Variants in ASMTL observed in about 807,000 individuals in gnomAD.
The protein encoded by ASMTL is acetylserotonin O-methyltransferase like.
A neutral mutation model predicts 60.3 loss-of-function variants in ASMTL; 57 were observed. The observed-to-expected ratio is 0.95, with a 90% confidence interval of 0.76 to 1.18. The LOEUF is 1.18. Among genes scored for constraint, ASMTL ranks in the 50% most tolerant of loss-of-function variants. ASMTL has a pLI of 0.00. For missense variants in ASMTL, 981 were observed against 852.6 expected, an observed-to-expected ratio of 1.15 and a Z score of -1.88; for synonymous variants, 419 against 373.0, an observed-to-expected ratio of 1.12 and a Z score of -1.42.
At chrX:1,429,383 A>T (rs1466298349) in intron 6 of ASMTL, among the ~76,000 whole-genome samples, 3 of 151,968 alleles carry the variant, frequency 2.0e-5, no homozygotes, top group Non-Finnish European at 2.9e-5. Context: ...TTTTTTATAA[A>T]GATGGGGTTT....
intron 4 of ASMTL, chrX:1,435,349 G>T: frequency 3.3e-6 from 2 of 609,354 alleles, no homozygotes; most frequent in Admixed American, 2.9e-5. Flanking sequence ...CGGGCAGGGG[G>T]TGCATCTCTT....
intron 12 of ASMTL, among the ~76,000 whole-genome samples, chrX:1,406,657 ATAG>A (rs2089860282): frequency 1.3e-5 from 2 of 151,658 alleles, no homozygotes; most frequent in Admixed American, 6.6e-5. Flanking sequence ...GGGTGAATAG[ATAG>A]TAGATGATGG....
Position 1,407,066 on chromosome X carries a change from A to G in ASMTL, c.1646-3577T>C, listed in dbSNP as rs768714733. The stretch of plus-strand genomic sequence containing the variant: ...GGTAGATGGATGGATGGATGGATGC[A>G]TGCATGGATGAGATGGATGGGTGAA... On this transcript the variant is annotated intron_variant, in intron 12 of 12. Coordinates refer to ENST00000381317, the MANE Select transcript of ASMTL (RefSeq NM_004192.4). Among the ~76,000 whole-genome samples, 299 of 149,746 alleles carry G rather than the reference A, an allele frequency of 2.0e-3. 2 individuals are homozygous for G. Among genetic ancestry groups the G allele is most frequent in the Middle Eastern group, 6.9e-3 (2 of 290 alleles).
chrX:1,436,288 C>T (rs2090961726), intron 3 of ASMTL, among the ~76,000 whole-genome samples: 1 of 152,042 alleles, frequency 6.6e-6, no homozygotes, highest in Admixed American at 6.5e-5. Context: ...ATTCTCCTGC[C>T]TCAGCCTCCC....
intron 3 of ASMTL, among the ~76,000 whole-genome samples, chrX:1,436,259 C>T (rs1294291227): frequency 6.6e-6 from 1 of 152,214 alleles, no homozygotes; most frequent in African/African-American, 2.4e-5. Flanking sequence ...CTGCAACCTC[C>T]GCCTCCGGGG....
Position 1,427,787 on chromosome X carries a change from G to T in ASMTL, c.844C>A (p.Pro282Thr). ...AECHRTRETL[P>T]PFPTRLLELI... is the part of the protein sequence containing the mutation. ...TCCAGGAGGCGTGTCGGGAACGGAG[G>T]CAGGGTCTCCCGAGTCCTGTGACAC... The change falls in exon 7 of 13, where the codon CCT (proline) becomes ACT (threonine). Residue 282 changes from proline to threonine, a missense_variant. Coordinates refer to ENST00000381317, the MANE Select transcript of ASMTL (RefSeq NM_004192.4). 6.2e-7 allele frequency: 1 copy of T among 1,612,992 alleles called. No individual in the cohort carries two copies.
intron 12 of ASMTL, among the ~76,000 whole-genome samples, chrX:1,406,138 G>A (rs757863430): frequency 3.6e-4 from 54 of 150,416 alleles, no homozygotes; most frequent in African/African-American, 1.3e-3. Context: ...ATAGATGGAT[G>A]CATGGATGAG....
intron 3 of ASMTL, among the ~76,000 whole-genome samples, chrX:1,438,535 C>T (rs1378872141): frequency 4.6e-5 from 7 of 152,070 alleles, no homozygotes; most frequent in African/African-American, 9.7e-5. Flanking sequence ...CCTTTTGAGA[C>T]GGAGTCTCGC....
chrX:1,442,405 G>T, intron 1 of ASMTL, 88 bp from the exon 2 acceptor site: 1 of 1,490,582 alleles, frequency 6.7e-7, no homozygotes, highest in Admixed American at 1.8e-5. Flanking sequence ...GACGCACATA[G>T]CGTTTGCTAC....
At position 1,452,763 on chromosome X, in the gene ASMTL, C is replaced by T. The variant is rs761079794; in HGVS notation, c.78G>A (p.Glu26=). 8 of 1,594,094 alleles carry T rather than the reference C, an allele frequency of 5.0e-6. No individual in the cohort carries two copies. The highest frequency in any genetic ancestry group is 6.0e-6 in the Non-Finnish European group (7 of 1,176,156). The change falls in exon 1 of 13, where the codon GAG becomes GAA. Residue 26 remains glutamate, a synonymous_variant. Transcript: ENST00000381317. ...CAGGCCGTACCGCGTTGCTGAGGAT[C>T]TCCTGACGGCGTGGGGAGGCGCTGG... ...VLASASPRRQ[E]ILSNAGLRFE... is the part of the protein sequence containing the mutation.
chrX:1,444,778 G>A (rs745499308), intron 1 of ASMTL, among the ~76,000 whole-genome samples: 57 of 152,084 alleles, frequency 3.7e-4, no homozygotes, highest in African/African-American at 1.1e-3. Context: ...CTCCTGGATC[G>A]TGAGGGTCTC....
intron 11 of ASMTL, among the ~76,000 whole-genome samples, chrX:1,415,505 G>C (rs1268397433): frequency 1.4e-5 from 2 of 143,428 alleles, no homozygotes; most frequent in Non-Finnish European, 3.0e-5. Context: ...CGCTCTTGTT[G>C]CCCAGGCTGG....
At chrX:1,411,368 G>A (rs1442722612) in intron 12 of ASMTL, among the ~76,000 whole-genome samples, 1 of 152,136 alleles carries the variant, frequency 6.6e-6, no homozygotes, top group African/African-American at 2.4e-5. Context: ...AATTCTCACT[G>A]GAGCAACAAC....
rs750210722 is a variant in ASMTL, at chrX:1,425,538, C to T, written c.1047G>A (p.Glu349=). 1 of 1,612,902 alleles carries T rather than the reference C, an allele frequency of 6.2e-7. No homozygotes were observed. Among genetic ancestry groups the T allele is most frequent in the Non-Finnish European group, 8.5e-7 (1 of 1,179,674 alleles). ...LDICAAMGLL[E]KTEQGYSNTE... ...GGGTCCTGTCACCTTGCTCTGTCTT[C>T]TCCAGGAGCCCCATGGCAGCACAGA... The change falls in exon 8 of 13, where the codon GAG becomes GAA. Residue 349 remains glutamate, a synonymous_variant. Coordinates refer to ENST00000381317, the MANE Select transcript of ASMTL (RefSeq NM_004192.4).
chrX:1,443,883 GGACA>G (rs1332493745), intron 1 of ASMTL, among the ~76,000 whole-genome samples: 1 of 151,858 alleles, frequency 6.6e-6, no homozygotes, highest in Non-Finnish European at 1.5e-5. Context: ...CCGCCGTCGT[GGACA>G]GACACCCCCA....
At chrX:1,414,222 C>T (rs1176800753) in intron 11 of ASMTL, among the ~76,000 whole-genome samples, 171 of 152,158 alleles carry the variant, frequency 1.1e-3, no homozygotes, top group Middle Eastern at 3.2e-3. Context: ...AAGGATCCTC[C>T]CCTAGAGCCT....
intron 6 of ASMTL, among the ~76,000 whole-genome samples, chrX:1,431,089 T>A (rs1358622264): frequency 7.9e-6 from 1 of 127,210 alleles, no homozygotes; most frequent in African/African-American, 3.0e-5. Context: ...TATTTCTATA[T>A]TATATAAATA....
rs1212730194 is a variant in ASMTL, at chrX:1,442,236, T to C, written c.175A>G (p.Met59Val). Residue 59 changes from methionine (M) to valine (V), a missense_variant, in exon 2 of 13, where the codon ATG (methionine) becomes GTG (valine). Transcript: ENST00000381317. ...ASFATPYGYA[M>V]ETAKQKALEV... ...AGGGCCTTCTGCTTGGCGGTCTCCA[T>C]GGCGTACCCATACGGAGTAGCGAAG... 2 of 1,613,906 alleles carry C rather than the reference T, an allele frequency of 1.2e-6. No homozygotes were observed. Among genetic ancestry groups the C allele is most frequent in the Non-Finnish European group, 1.7e-6 (2 of 1,179,866 alleles).
At chrX:1,440,212 G>A (rs1315184325) in intron 2 of ASMTL, among the ~76,000 whole-genome samples, 6 of 151,474 alleles carry the variant, frequency 4.0e-5, no homozygotes, top group African/African-American at 1.2e-4. Context: ...TCAGCCTCCC[G>A]AGTAGCTGGG....
Sources: gnomAD v4.1 joint callset for allele counts (sites outside exome capture counted in the v4.1 genomes callset) on GRCh38, gnomAD v4.1.1 for gene constraint, MANE v1.5 for transcripts, NCBI Gene and HGNC (gene_info 2026-07-23, HGNC 2026-07-21) for gene names.